The following NFIX variants were observed in gnomAD, a reference collection of about 807,000 sequenced individuals.
NFIX encodes nuclear factor 1 X-type.
NFIX carries 2 observed loss-of-function variants against 53.3 expected under a neutral mutation model. That is an observed-to-expected ratio of 0.04 (90% CI 0.02 to 0.12). The LOEUF is 0.12. Among genes scored for constraint, NFIX ranks in the 10% least tolerant of loss-of-function variants. NFIX has a pLI of 1.00. For missense variants in NFIX, 310 were observed against 674.5 expected, an observed-to-expected ratio of 0.46 and a Z score of 5.99; for synonymous variants, 244 against 289.0, an observed-to-expected ratio of 0.84 and a Z score of 1.58.
intron 2 of NFIX, among the ~76,000 whole-genome samples, chr19:13,050,919 T>A (rs996732921): frequency 3.9e-5 from 6 of 152,224 alleles, no homozygotes; most frequent in Admixed American, 1.3e-4. Context: ...TGCAGACAGA[T>A]GGCCTGTCCC....
At chr19:12,997,110 C>T (rs1423976983) in intron 1 of NFIX, among the ~76,000 whole-genome samples, 3 of 152,260 alleles carry the variant, frequency 2.0e-5, no homozygotes, top group Non-Finnish European at 4.4e-5. Context: ...CCTTGTCAGC[C>T]ATGTGCCAAG....
chr19:13,092,816 C>A (rs901253196), intron 10 of NFIX, among the ~76,000 whole-genome samples: 1 of 152,254 alleles, frequency 6.6e-6, no homozygotes, highest in Non-Finnish European at 1.5e-5. Context: ...CTCCCCCACC[C>A]ACTCTGGGGA....
chr19:13,046,940 T>G (rs2015029130), intron 2 of NFIX, among the ~76,000 whole-genome samples: 1 of 152,204 alleles, frequency 6.6e-6, no homozygotes, highest in Non-Finnish European at 1.5e-5. Flanking sequence ...GTGAAGCTAC[T>G]GCCATCTGAG....
intron 1 of NFIX, among the ~76,000 whole-genome samples, chr19:13,004,384 G>T (rs565653661): frequency 1.3e-5 from 2 of 151,974 alleles, no homozygotes; most frequent in Admixed American, 6.6e-5. Flanking sequence ...AGGCATTGTC[G>T]CATATATACC....
At position 13,073,767 on chromosome 19, in the gene NFIX, C is replaced by T; in HGVS notation, c.698-139C>T. The T allele has an allele frequency of 3.4e-6, 4 of 1,176,818 alleles. No individual in the cohort carries two copies. Among genetic ancestry groups the T allele is most frequent in the Non-Finnish European group, 4.8e-6 (4 of 826,832 alleles). 72.9% of individuals were successfully genotyped at this position (1,176,818 alleles called of 1,614,324 possible). ...GCTGGGAGGAGGTTCCTCAGCAGCC[C>T]AGATGGCCCACTTTCTCCCATCTCC... On this transcript the variant is annotated intron_variant, in intron 4 of 10. Coordinates refer to ENST00000592199, the MANE Select transcript of NFIX (RefSeq NM_001365902.3). The surrounding 1 kb of genome is among the most constrained non-coding windows in gnomAD (Gnocchi z 4.5).
intron 1 of NFIX, chr19:13,024,753 T>C: frequency 6.6e-7 from 1 of 1,524,264 alleles, no homozygotes; most frequent in Non-Finnish European, 8.8e-7. Flanking sequence ...AGAGAATAGG[T>C]GTGTGTAGAG....
chr19:13,025,766 C>A lies in NFIX; in HGVS notation c.559+214C>A, dbSNP rs546344333. Among the ~76,000 whole-genome samples the A allele has an allele frequency of 2.0e-5, 3 of 152,284 alleles. No homozygotes were observed. Among genetic ancestry groups the A allele is most frequent in the Non-Finnish European group, 4.4e-5 (3 of 68,028 alleles). On this transcript the variant is annotated intron_variant, in intron 2 of 10. Transcript: ENST00000592199. This position sits in a 1 kb window ranked among gnomAD's most constrained non-coding sequence, Gnocchi z 7.5. ...TGTTCTATTCTTCCTCCTCTGCCCC[C>A]TGGCCATGGTATCGACTTTGTGCAT...
intron 1 of NFIX, among the ~76,000 whole-genome samples, chr19:13,016,097 C>A (rs370437374): frequency 3.3e-5 from 5 of 152,200 alleles, no homozygotes; most frequent in African/African-American, 1.2e-4. Context: ...GTGTATCAAG[C>A]GGCCTAACTT....
At chr19:13,058,962 C>T (rs865930867) in intron 2 of NFIX, among the ~76,000 whole-genome samples, 14 of 152,214 alleles carry the variant, frequency 9.2e-5, no homozygotes, top group Non-Finnish European at 1.2e-4. Flanking sequence ...CACTCTTCCC[C>T]GGAGCCACCG....
In NFIX at chr19:12,996,020, ACGCGTGCGGGCGTCACCGTG is replaced by A. The variant is rs1434181077; in HGVS notation, c.27+165_27+184del. 6.7e-6 allele frequency among the ~76,000 whole-genome samples: 1 copy of A among 150,268 alleles called. No homozygotes were observed. Among genetic ancestry groups the A allele is most frequent in the Non-Finnish European group, 1.5e-5 (1 of 67,496 alleles). On this transcript the variant is annotated intron_variant, in intron 1 of 10. Transcript: ENST00000592199. This position sits in a 1 kb window ranked among gnomAD's most constrained non-coding sequence, Gnocchi z 5.2. ...AGGCTGTGCCGCGGGGAGCCCAGGC[ACGCGTGCGGGCGTCACCGTG>A]CGCGTGCGACCCTGGCCACCGGGCG...
At chr19:13,063,920 A>G (rs2016244649) in intron 2 of NFIX, among the ~76,000 whole-genome samples, 1 of 152,122 alleles carries the variant, frequency 6.6e-6, no homozygotes, top group African/African-American at 2.4e-5. Context: ...TTGGGACACT[A>G]TTAATAGCCC....
chr19:13,071,045 C>T (rs1730257663), intron 2 of NFIX: 1 of 152,408 alleles, frequency 6.6e-6, no homozygotes, highest in Admixed American at 6.5e-5. Flanking sequence ...CCTCCTTCTT[C>T]CCCTGATTCC....
In NFIX at chr19:13,005,681, C is replaced by T. The variant is rs1022200343; in HGVS notation, c.27+9817C>T. Among the ~76,000 whole-genome samples the T allele has an allele frequency of 6.6e-6, 1 of 152,158 alleles. No individual in the cohort carries two copies. Among genetic ancestry groups the T allele is most frequent in the African/African-American group, 2.4e-5 (1 of 41,428 alleles). Reference sequence around the variant, plus strand: ...AGATCGTCACCACCCTAAATCCTGCCGATGGGACAAAATTGCAGCTTGTTC... The same window carrying T: ...AGATCGTCACCACCCTAAATCCTGCTGATGGGACAAAATTGCAGCTTGTTC... On this transcript the variant is annotated intron_variant, in intron 1 of 10. Transcript: ENST00000592199. The surrounding 1 kb of genome is among the most constrained non-coding windows in gnomAD (Gnocchi z 4.7).
rs2012475460 is a variant in NFIX at position 13,013,299 on chromosome 19, G to A, written c.28-11722G>A. On this transcript the variant is annotated intron_variant, in intron 1 of 10. Transcript: ENST00000592199. The surrounding 1 kb of genome is among the most constrained non-coding windows in gnomAD (Gnocchi z 5.9). ...CCTGTTGGTGGAGGAGGAAGCTGGCGTCGGGCTGAAGTCCCCCGAGCCACC... is the reference window on the plus strand; with the variant it reads ...CCTGTTGGTGGAGGAGGAAGCTGGCATCGGGCTGAAGTCCCCCGAGCCACC... 6.6e-6 allele frequency among the ~76,000 whole-genome samples: 1 copy of A among 152,158 alleles called. No individual in the cohort carries two copies. The highest frequency in any genetic ancestry group is 1.5e-5 in the Non-Finnish European group (1 of 68,030).
At chr19:12,999,890 T>G (rs935184999) in intron 1 of NFIX, among the ~76,000 whole-genome samples, 12 of 152,266 alleles carry the variant, frequency 7.9e-5, no homozygotes, top group African/African-American at 2.9e-4. Flanking sequence ...TCTCCGGCTC[T>G]GGCCCTGCCT....
chr19:13,018,073 C>T (rs2012760888), intron 1 of NFIX, among the ~76,000 whole-genome samples: 1 of 152,200 alleles, frequency 6.6e-6, no homozygotes, highest in African/African-American at 2.4e-5. Flanking sequence ...AAGTTTCAAG[C>T]TAAATAATGA....
At position 13,005,764 on chromosome 19, in the gene NFIX, C is replaced by T. The variant is rs557898889; in HGVS notation, c.27+9900C>T. Reference sequence around the variant, plus strand: ...CACACCCCCACGCCCCCATTTGAAACGTGCCCTAGTGGTTGGCCCTTGAAC... The same window carrying T: ...CACACCCCCACGCCCCCATTTGAAATGTGCCCTAGTGGTTGGCCCTTGAAC... On this transcript the variant is annotated intron_variant, in intron 1 of 10. Coordinates refer to ENST00000592199, the MANE Select transcript of NFIX (RefSeq NM_001365902.3). The surrounding 1 kb of genome is among the most constrained non-coding windows in gnomAD (Gnocchi z 4.7). 1.3e-5 allele frequency among the ~76,000 whole-genome samples: 2 copies of T among 152,268 alleles called. No homozygotes were observed. Among genetic ancestry groups the T allele is most frequent in the South Asian group, 2.1e-4 (1 of 4,824 alleles).
At chr19:13,058,524 C>A (rs967979539) in intron 2 of NFIX, among the ~76,000 whole-genome samples, 1 of 149,210 alleles carries the variant, frequency 6.7e-6, no homozygotes, top group Non-Finnish European at 1.5e-5. Flanking sequence ...ACCTGTGGTC[C>A]CAGCTACTTG....
At chr19:13,057,275 C>T (rs767134726) in intron 2 of NFIX, among the ~76,000 whole-genome samples, 17 of 152,142 alleles carry the variant, frequency 1.1e-4, no homozygotes, top group Non-Finnish European at 1.9e-4. Flanking sequence ...CTGTGCAGAG[C>T]GGGGAGCGAG....
Sources: allele counts gnomAD v4.1 joint callset (sites outside exome capture counted in the v4.1 genomes callset), GRCh38; gene constraint gnomAD v4.1.1; non-coding constraint Gnocchi (gnomAD v3.1); transcripts MANE v1.5; gene names NCBI Gene and HGNC (gene_info 2026-07-23, HGNC 2026-07-21).